CDKL3: variants seen among roughly 807,000 people sequenced by gnomAD.
CDKL3 encodes the protein cyclin-dependent kinase-like 3.
A neutral mutation model predicts 69.3 loss-of-function variants in CDKL3; 65 were observed. The ratio of observed to expected loss-of-function variants is 0.94; its 90% CI spans 0.77 to 1.15. The LOEUF (loss-of-function observed/expected upper bound fraction) is 1.15. Among genes scored for constraint, CDKL3 ranks in the 50% most tolerant of loss-of-function variants. CDKL3 has a pLI of 0.00. For missense variants in CDKL3, 652 were observed against 689.2 expected (o/e 0.95, Z 0.61); for synonymous variants, 202 against 221.6 (o/e 0.91, Z 0.79).
chr5:134,355,808 C>A (rs1031566438), intron 3 of CDKL3, among the ~76,000 whole-genome samples: 1 of 152,142 alleles, frequency 6.6e-6, no homozygotes, highest in Non-Finnish European at 1.5e-5. Context: ...AAAGCTAAGC[C>A]GCTCCATACT....
intron 4 of CDKL3, among the ~76,000 whole-genome samples, chr5:134,335,271 T>C (rs1776802906): frequency 6.6e-6 from 1 of 152,146 alleles, no homozygotes; most frequent in South Asian, 2.1e-4. Flanking sequence ...CTTGACTCTT[T>C]AACCAATTTG....
chr5:134,359,700 G>T (rs183026714), intron 3 of CDKL3, among the ~76,000 whole-genome samples, 197 bp downstream of exon 3: 1 of 152,092 alleles, frequency 6.6e-6, no homozygotes, highest in Non-Finnish European at 1.5e-5. Flanking sequence ...CTTATAGTTG[G>T]AATTACTGAG....
Position 134,349,227 on chromosome 5 carries a change from T to C in CDKL3, c.539+1022A>G, listed in dbSNP as rs140565858. On this transcript the variant is annotated intron_variant, in intron 4 of 12. Transcript: ENST00000265334. Reference sequence around the variant, plus strand: ...CCATTAATATTACATATTATTATAATAACACAATAATAATTTCTAGGAAAG... The same window carrying C: ...CCATTAATATTACATATTATTATAACAACACAATAATAATTTCTAGGAAAG... 4.9e-3 allele frequency among the ~76,000 whole-genome samples: 753 copies of C among 152,322 alleles called. 8 individuals carry two copies. The highest frequency in any genetic ancestry group is 0.017 in the African/African-American group (715 of 41,578).
chr5:134,325,907 G>GCGC (rs71581393), intron 4 of CDKL3, among the ~76,000 whole-genome samples: 1 of 149,964 alleles, frequency 6.7e-6, no homozygotes, highest in Non-Finnish European at 1.5e-5. Context: ...GGGACTACAG[G>GCGC]CGCCCATCAC....
chr5:134,362,981 C>G (rs1459034843), intron 2 of CDKL3, among the ~76,000 whole-genome samples: 2 of 152,046 alleles, frequency 1.3e-5, no homozygotes, highest in African/African-American at 4.8e-5. Context: ...GTTAGGGTAT[C>G]TCAAAATTAT....
chr5:134,302,040 T>C, intron 12 of CDKL3: 1 of 428,840 alleles, frequency 2.3e-6, no homozygotes. Flanking sequence ...AGACTGTCTT[T>C]ATAGAGCATT....
upstream of CDKL3, chr5:134,371,580 G>T (rs755090011): frequency 3.7e-6 from 6 of 1,612,010 alleles, no homozygotes; most frequent in South Asian, 2.2e-5. Flanking sequence ...GACTGACCGC[G>T]GGGCAGCTGC....
At chr5:134,306,814 T>A (rs1935081778) in intron 9 of CDKL3, 112 bp from the exon 10 acceptor site, 5 of 603,374 alleles carry the variant, frequency 8.3e-6, no homozygotes, top group East Asian at 3.6e-5. Flanking sequence ...GAGTGCAGTG[T>A]CATGATCTTG....
intron 10 of CDKL3, 113 bp downstream of exon 10, chr5:134,306,496 C>CA (rs1480347630): frequency 1.0e-5 from 7 of 677,164 alleles, no homozygotes; most frequent in Admixed American, 5.7e-5. Context: ...GATCCTCTCT[C>CA]AAAAAAACAA....
intron 4 of CDKL3, among the ~76,000 whole-genome samples, chr5:134,326,817 G>GTATATATATA (rs1164800558): frequency 8.3e-6 from 1 of 120,470 alleles, no homozygotes; most frequent in African/African-American, 3.6e-5. Flanking sequence ...ATATGTGTGT[G>GTATATATATA]TATATATATA....
chr5:134,321,653 G>T, intron 5 of CDKL3, 138 bp downstream of exon 5: 1 of 562,258 alleles, frequency 1.8e-6, no homozygotes, highest in East Asian at 3.1e-5. Context: ...TCAGCCCAAG[G>T]AACCCATCTG....
chr5:134,338,258 T>C (rs1777573551), intron 4 of CDKL3, among the ~76,000 whole-genome samples: 1 of 152,038 alleles, frequency 6.6e-6, no homozygotes. Flanking sequence ...GAAAAGGGAA[T>C]AGAATGACAT....
chr5:134,310,485 C>T (rs1030869630), intron 7 of CDKL3, among the ~76,000 whole-genome samples: 3 of 149,088 alleles, frequency 2.0e-5, no homozygotes, highest in Non-Finnish European at 3.0e-5. Flanking sequence ...CCACCAAGCC[C>T]GGCCTATTCT....
At chr5:134,357,176 T>G (rs937504632) in intron 3 of CDKL3, among the ~76,000 whole-genome samples, 1 of 152,192 alleles carries the variant, frequency 6.6e-6, no homozygotes, top group Admixed American at 6.5e-5. Flanking sequence ...CCGGGCGCGG[T>G]GGCTCACGCC....
In CDKL3 at chr5:134,304,179, T is replaced by C. The variant is rs534579243; in HGVS notation, c.1621+226A>G. Among the ~76,000 whole-genome samples, 6 of 152,262 alleles carry C rather than the reference T, an allele frequency of 3.9e-5. No homozygotes were observed. The East Asian group carries it at 5.8e-4, about 15-fold the overall frequency. On this transcript the variant is annotated intron_variant, in intron 11 of 12. Coordinates refer to ENST00000265334, the MANE Select transcript of CDKL3 (RefSeq NM_001113575.2). The stretch of plus-strand genomic sequence containing the variant: ...CCTGGGCCCAAGCAATCCTCCTGCA[T>C]TGGCCTCCCAAAATGCTGGGATTAC...
chr5:134,356,857 T>C (rs1754735771), intron 3 of CDKL3, among the ~76,000 whole-genome samples: 2 of 151,884 alleles, frequency 1.3e-5, no homozygotes, highest in South Asian at 4.1e-4. Flanking sequence ...TTGTTTTACA[T>C]CAAAAGCATT....
rs762807971 is a variant in CDKL3 at position 134,359,920 on chromosome 5, T to C, written c.337A>G (p.Ile113Val). ...ACATTATTACTGTGAAGATAGTCAA[T>C]TGCTCGAAGGATCTGGAAGAGGTAT... ...RKYLFQILRA[I>V]DYLHSNNIIH... The change falls in exon 3 of 13, where the codon ATT becomes GTT. Residue 113 changes from isoleucine (I) to valine (V), a missense_variant. Transcript: ENST00000265334. 13 of 1,584,708 alleles carry C rather than the reference T, an allele frequency of 8.2e-6. No homozygotes were observed. The highest frequency in any genetic ancestry group is 1.0e-5 in the Non-Finnish European group (12 of 1,165,128).
chr5:134,302,203 G>A (rs1766521865), intron 12 of CDKL3: 1 of 456,820 alleles, frequency 2.2e-6, no homozygotes, highest in Non-Finnish European at 4.4e-6. Context: ...CAGAGATAAG[G>A]GAATAAACTG....
chr5:134,357,468 T>A (rs1228052224), intron 3 of CDKL3, among the ~76,000 whole-genome samples: 1 of 141,082 alleles, frequency 7.1e-6, no homozygotes, highest in Non-Finnish European at 1.5e-5. Flanking sequence ...TAAAATAAAA[T>A]AAAAATACAA....
Sources: allele counts gnomAD v4.1 joint callset (sites outside exome capture counted in the v4.1 genomes callset), GRCh38; gene constraint gnomAD v4.1.1; transcripts MANE v1.5; gene names NCBI Gene and HGNC (gene_info 2026-07-23, HGNC 2026-07-21).